The following SBNO1 variants were observed in gnomAD, a reference collection of about 807,000 sequenced individuals.
The protein encoded by SBNO1 is protein strawberry notch homolog 1.
Under a neutral mutation model 173.6 loss-of-function variants are expected in SBNO1, and 23 were observed. The ratio of observed to expected loss-of-function variants is 0.13; its 90% CI spans 0.10 to 0.19. SBNO1 has a LOEUF of 0.19. Among genes scored for constraint, SBNO1 ranks in the 10% least tolerant of loss-of-function variants. The pLI, the probability that SBNO1 is intolerant of heterozygous loss-of-function variation, is 1.00. For missense variants in SBNO1, 1,238 were observed against 1,671.2 expected, an observed-to-expected ratio of 0.74 and a Z score of 4.52; for synonymous variants, 632 against 571.5, an observed-to-expected ratio of 1.11 and a Z score of -1.51.
intron 30 of SBNO1, among the ~76,000 whole-genome samples, chr12:123,301,110 C>T (rs2048777839): frequency 1.3e-5 from 2 of 151,984 alleles, no homozygotes; most frequent in African/African-American, 2.4e-5. Context: ...CAGGCTCAAG[C>T]GATTCTCATG....
Position 123,295,805 on chromosome 12 carries a change from C to T in SBNO1, c.*103G>A, listed in dbSNP as rs560502417. 1.9e-4 allele frequency: 279 copies of T among 1,480,654 alleles called. 3 individuals are homozygous for T. In the South Asian group the frequency reaches 3.6e-3, roughly 19 times the overall value. The allele number at this position is 1,480,654 out of a possible 1,614,324, so 91.7% of individuals were successfully genotyped here. A position where few individuals can be genotyped will look rare whatever the true frequency, so the allele number is the denominator to read the frequency against. ...CAAAAAAACTAACTAGAGAGCACAACTGAAAAAAATATATAATTCTTTGGA... is the reference window on the plus strand; with the variant it reads ...CAAAAAAACTAACTAGAGAGCACAATTGAAAAAAATATATAATTCTTTGGA... On this transcript the variant is annotated 3_prime_UTR_variant, in exon 32 of 32. Transcript: ENST00000602398.
intron 6 of SBNO1, among the ~76,000 whole-genome samples, chr12:123,335,506 T>C (rs1871734767): frequency 6.6e-6 from 1 of 152,188 alleles, no homozygotes; most frequent in Non-Finnish European, 1.5e-5. Context: ...CTATAAAATT[T>C]AACAACCAAG....
Position 123,364,516 on chromosome 12 carries a change from G to C in SBNO1, c.-1+185C>G, listed in dbSNP as rs1256067277. On this transcript the variant is annotated intron_variant, in intron 1 of 31. Transcript: ENST00000602398. Reference sequence around the variant, plus strand: ...GCGAGTACAACGGAGCCGCCGTCGGGAACATGCCCCCGAGGGCCCCGGAGC... The same window carrying C: ...GCGAGTACAACGGAGCCGCCGTCGGCAACATGCCCCCGAGGGCCCCGGAGC... 5.1e-6 allele frequency: 5 copies of C among 983,852 alleles called. No homozygotes were observed. In the African/African-American group the frequency reaches 5.2e-5, roughly 10 times the overall value. The allele number at this position is 983,852 out of a possible 1,614,324, so 60.9% of individuals were successfully genotyped here.
At chr12:123,336,585 T>C (rs1946524494) in intron 5 of SBNO1, 94 bp from the exon 6 acceptor site, 1 of 736,150 alleles carries the variant, frequency 1.4e-6, no homozygotes, top group African/African-American at 1.8e-5. Flanking sequence ...CACCTACAAA[T>C]TTCCATCATG....
intron 23 of SBNO1, 110 bp downstream of exon 23, chr12:123,315,263 T>G: frequency 1.3e-6 from 1 of 760,896 alleles, no homozygotes. Context: ...TTAAAGCAAA[T>G]GCATAGGAGA....
At chr12:123,301,478 A>G (rs148185622) in intron 30 of SBNO1, among the ~76,000 whole-genome samples, 3 of 152,306 alleles carry the variant, frequency 2.0e-5, no homozygotes, top group Non-Finnish European at 2.9e-5. Flanking sequence ...ATTCATTTAC[A>G]TCTCATATTC....
intron 4 of SBNO1, among the ~76,000 whole-genome samples, chr12:123,341,303 G>A (rs1450891512): frequency 6.6e-6 from 1 of 151,966 alleles, no homozygotes; most frequent in Admixed American, 6.6e-5. Flanking sequence ...ACAGAAACAA[G>A]CTGGGCGTGG....
At chr12:123,322,333 C>T (rs1870079434) in intron 16 of SBNO1, among the ~76,000 whole-genome samples, 1 of 151,832 alleles carries the variant, frequency 6.6e-6, no homozygotes, top group Non-Finnish European at 1.5e-5. Context: ...TCTACTCTGT[C>T]TCCCAGGCTA....
intron 5 of SBNO1, among the ~76,000 whole-genome samples, chr12:123,338,492 C>T (rs1872124211): frequency 6.6e-6 from 1 of 151,874 alleles, no homozygotes; most frequent in Admixed American, 6.6e-5. Context: ...ACCAGCCTGG[C>T]CAAGGTAGTG....
chr12:123,347,980 A>T, intron 3 of SBNO1, 49 bp downstream of exon 3: 1 of 1,189,724 alleles, frequency 8.4e-7, no homozygotes, highest in Non-Finnish European at 1.2e-6. Context: ...TTTTCTCACT[A>T]CACTTCTAAA....
rs1274846874 is a variant in SBNO1, at chr12:123,294,650, A to G, written c.*1258T>C. 5 of 168,716 alleles carry G rather than the reference A, an allele frequency of 3.0e-5. No homozygotes were observed. In the East Asian group the frequency reaches 7.3e-4, roughly 25 times the overall value. The allele number at this position is 168,716 out of a possible 1,614,324, so 10.5% of individuals were successfully genotyped here. ...CTGTGGAAGCAAAAAAAAAAAAAAAAAAAAAAAAAAAGAAAAAAAGAAAAG... is the reference window on the plus strand; with the variant it reads ...CTGTGGAAGCAAAAAAAAAAAAAAAGAAAAAAAAAAAGAAAAAAAGAAAAG... On this transcript the variant is annotated 3_prime_UTR_variant, in exon 32 of 32. Coordinates refer to ENST00000602398, the MANE Select transcript of SBNO1 (RefSeq NM_001167856.3).
intron 28 of SBNO1, among the ~76,000 whole-genome samples, chr12:123,307,020 T>TTAAAAAAAAAAAAAAAAAAAAAAAAA (rs755357101): frequency 1.6e-5 from 1 of 64,416 alleles, no homozygotes. Flanking sequence ...TCAACTGCAT[T>TTAAAAAAAAAAAAAAAAAAAAAAAAA]AAAAAAAAAA....
intron 24 of SBNO1, 124 bp from the exon 25 acceptor site, chr12:123,311,253 TAAACATGGAGA>T (rs1416890396): frequency 8.8e-6 from 6 of 680,840 alleles, no homozygotes; most frequent in Non-Finnish European, 1.3e-5. Context: ...GATATTTATA[TAAACATGGAGA>T]AAATGTGGAG....
At chr12:123,306,649 A>G (rs958071292) in intron 28 of SBNO1, among the ~76,000 whole-genome samples, 1 of 152,042 alleles carries the variant, frequency 6.6e-6, no homozygotes, top group Non-Finnish European at 1.5e-5. Context: ...GCCCAGGAGG[A>G]GTTCGAGACT....
At chr12:123,319,781 A>C in intron 20 of SBNO1, 119 bp downstream of exon 20, 1 of 838,490 alleles carries the variant, frequency 1.2e-6, no homozygotes, top group Admixed American at 2.5e-5. Flanking sequence ...ACTAAAAAAT[A>C]CAGAATGACA....
chr12:123,354,745 G>C (rs1336227314), intron 1 of SBNO1, among the ~76,000 whole-genome samples: 2 of 152,090 alleles, frequency 1.3e-5, no homozygotes, highest in Non-Finnish European at 2.9e-5. Flanking sequence ...ATACTGTTAG[G>C]TACAAGAGAA....
At chr12:123,334,735 TAAATA>T (rs1418569812) in intron 6 of SBNO1, among the ~76,000 whole-genome samples, 4 of 150,140 alleles carry the variant, frequency 2.7e-5, no homozygotes, top group Admixed American at 6.6e-5. Flanking sequence ...AATTAAATAA[TAAATA>T]AAATAAAATA....
chr12:123,292,082 C>G lies in SBNO1; in HGVS notation c.*3826G>C, dbSNP rs925516906. 6 of 150,412 alleles carry G rather than the reference C, an allele frequency of 4.0e-5. No individual in the cohort carries two copies. The Admixed American group carries it at 4.0e-4, about 10-fold the overall frequency. The allele number at this position is 150,412 out of a possible 1,614,324, so 9.3% of individuals were successfully genotyped here. A position where few individuals can be genotyped will look rare whatever the true frequency, so the allele number is the denominator to read the frequency against. On this transcript the variant is annotated 3_prime_UTR_variant, in exon 32 of 32. Transcript: ENST00000602398. Reference sequence around the variant, plus strand: ...TAGCCCTGACATGAAACGCTTGCTACGTTTCTGCAGCAAAGTGGGCCGAGC... The same window carrying G: ...TAGCCCTGACATGAAACGCTTGCTAGGTTTCTGCAGCAAAGTGGGCCGAGC...
At chr12:123,327,257 C>T (rs1230366411) in intron 13 of SBNO1, among the ~76,000 whole-genome samples, 169 bp downstream of exon 13, 5 of 152,094 alleles carry the variant, frequency 3.3e-5, no homozygotes, top group Non-Finnish European at 7.4e-5. Flanking sequence ...GTGACCTGCT[C>T]GCCTCAGCCT....
Sources: gnomAD v4.1 joint callset for allele counts (sites outside exome capture counted in the v4.1 genomes callset) on GRCh38, gnomAD v4.1.1 for gene constraint, MANE v1.5 for transcripts, NCBI Gene and HGNC (gene_info 2026-07-23, HGNC 2026-07-21) for gene names.